The following RABGAP1L variants were observed in gnomAD, a reference collection of about 807,000 sequenced individuals.
The protein encoded by RABGAP1L is RAB GTPase activating protein 1 like.
A neutral mutation model predicts 137.7 loss-of-function variants in RABGAP1L; 63 were observed. The ratio of observed to expected loss-of-function variants is 0.46; its 90% confidence interval spans 0.37 to 0.56. The LOEUF is 0.56. Among genes scored for constraint, RABGAP1L ranks in the 20% least tolerant of loss-of-function variants. The probability of loss-of-function intolerance (pLI) is 0.00; values close to 1 mark genes in which losing one functional copy is unlikely to be tolerated. For synonymous variants in RABGAP1L, 431 were observed against 433.7 expected (o/e 0.99, Z 0.08); for missense variants, 1,095 against 1,244.0 (o/e 0.88, Z 1.80).
chr1:174,582,181 G>T (rs183038609), intron 13 of RABGAP1L, among the ~76,000 whole-genome samples: 2 of 152,138 alleles, frequency 1.3e-5, no homozygotes, highest in Admixed American at 6.6e-5. Flanking sequence ...ATACCAGTCT[G>T]GGCAACATGG....
chr1:174,241,863 G>C (rs1671855309), intron 5 of RABGAP1L, among the ~76,000 whole-genome samples: 1 of 152,214 alleles, frequency 6.6e-6, no homozygotes, highest in Non-Finnish European at 1.5e-5. Flanking sequence ...CAGCTTAGCA[G>C]TTGTCGTAGA....
chr1:174,495,970 C>T (rs1237575541), intron 13 of RABGAP1L, among the ~76,000 whole-genome samples: 2 of 152,198 alleles, frequency 1.3e-5, no homozygotes, highest in Non-Finnish European at 1.5e-5. Context: ...TCTCCTGCCT[C>T]AGCCTGCCAG....
At chr1:174,887,929 C>T (rs192046457) in intron 19 of RABGAP1L, among the ~76,000 whole-genome samples, 5 of 151,896 alleles carry the variant, frequency 3.3e-5, no homozygotes, top group East Asian at 3.9e-4. Context: ...TCCAGCTACT[C>T]GGGAGGCTGA....
rs61707928 is a variant in RABGAP1L at position 174,714,633 on chromosome 1, T to C, written c.2169+12377T>C. Among the ~76,000 whole-genome samples, 586 of 152,318 alleles carry C rather than the reference T, an allele frequency of 3.8e-3. 6 individuals are homozygous for C. Among genetic ancestry groups the C allele is most frequent in the African/African-American group, 0.014 (568 of 41,584 alleles). ...ATTTTAAGAAACAGAAACCTAGACA[T>C]AGTAGCTCCAGTACAGTGGGGGTTT... On this transcript the variant is annotated intron_variant, in intron 17 of 25. Coordinates refer to ENST00000681986, the MANE Select transcript of RABGAP1L (RefSeq NM_001366446.1).
intron 4 of RABGAP1L, among the ~76,000 whole-genome samples, chr1:174,232,358 G>T (rs994662453): frequency 4.0e-5 from 6 of 151,732 alleles, no homozygotes; most frequent in African/African-American, 1.2e-4. Flanking sequence ...GGTGGCACAC[G>T]CCTGTAATCC....
intron 13 of RABGAP1L, among the ~76,000 whole-genome samples, chr1:174,541,341 G>T (rs960547598): frequency 2.0e-5 from 3 of 152,180 alleles, no homozygotes. Flanking sequence ...AATAGGAGTG[G>T]TGAGAGAGGG....
intron 19 of RABGAP1L, among the ~76,000 whole-genome samples, chr1:174,871,568 TGTGA>T (rs1441048191): frequency 6.6e-6 from 1 of 152,174 alleles, no homozygotes; most frequent in Non-Finnish European, 1.5e-5. Context: ...AATGCAGGCA[TGTGA>T]GGTCCCATTG....
intron 13 of RABGAP1L, among the ~76,000 whole-genome samples, chr1:174,597,409 C>A (rs151240588): frequency 6.6e-6 from 1 of 152,006 alleles, no homozygotes; most frequent in African/African-American, 2.4e-5. Flanking sequence ...AGGGTCTATT[C>A]GAGTTTTTAA....
At chr1:174,197,531 C>T (rs1667782011) in intron 1 of RABGAP1L, among the ~76,000 whole-genome samples, 1 of 152,172 alleles carries the variant, frequency 6.6e-6, no homozygotes. Flanking sequence ...ACCCCTCTGT[C>T]ACACTGCTTG....
At chr1:174,942,269 G>A (rs1012182) in intron 19 of RABGAP1L, among the ~76,000 whole-genome samples, 52,831 of 151,998 alleles carry the variant, frequency 0.35, 11,479 homozygotes, top group African/African-American at 0.62. Flanking sequence ...ACTGCTGTTC[G>A]GCCAAATCTG....
chr1:174,531,750 G>C (rs75099572), intron 13 of RABGAP1L, among the ~76,000 whole-genome samples: 5 of 125,412 alleles, frequency 4.0e-5, no homozygotes, highest in Non-Finnish European at 8.6e-5. Context: ...TCTCGGGGGT[G>C]GGGGGGGGGA....
At chr1:174,194,291 A>G (rs934710011) in intron 1 of RABGAP1L, among the ~76,000 whole-genome samples, 2 of 151,262 alleles carry the variant, frequency 1.3e-5, no homozygotes, top group Admixed American at 1.3e-4. Flanking sequence ...CTGGAGGGCA[A>G]TAGCATGATC....
In RABGAP1L at chr1:174,988,846, A is replaced by G; in HGVS notation, c.3003+8A>G. The G allele has an allele frequency of 9.1e-6, 14 of 1,533,824 alleles. No individual in the cohort carries two copies. The highest frequency in any genetic ancestry group is 1.2e-5 in the Non-Finnish European group (14 of 1,139,790). On this transcript the variant is annotated splice_region_variant and intron_variant, in intron 25 of 25. Coordinates refer to ENST00000681986, the MANE Select transcript of RABGAP1L (RefSeq NM_001366446.1). Reference sequence around the variant, plus strand: ...GCCAAGTGTAAAATTCAGGTTGGTGATTTGATAAAAGAACAAGAAGAAAGA... The same window carrying G: ...GCCAAGTGTAAAATTCAGGTTGGTGGTTTGATAAAAGAACAAGAAGAAAGA...
intron 19 of RABGAP1L, among the ~76,000 whole-genome samples, chr1:174,906,888 A>G (rs2149179608): frequency 7.7e-6 from 1 of 130,706 alleles, no homozygotes; most frequent in Non-Finnish European, 1.5e-5. Flanking sequence ...TGACATTTTC[A>G]AAGTGCTCAA....
intron 13 of RABGAP1L, among the ~76,000 whole-genome samples, chr1:174,526,476 C>CT (rs2147867331): frequency 6.6e-6 from 1 of 152,144 alleles, no homozygotes; most frequent in African/African-American, 2.4e-5. Flanking sequence ...CCCGGCTTTT[C>CT]TTTGTTGGGA....
chr1:174,658,912 A>G (rs1407561471), intron 14 of RABGAP1L, among the ~76,000 whole-genome samples: 2 of 152,232 alleles, frequency 1.3e-5, no homozygotes, highest in South Asian at 2.1e-4. Context: ...AAGGTACACA[A>G]AACTGGTAAA....
intron 12 of RABGAP1L, among the ~76,000 whole-genome samples, chr1:174,390,547 G>A (rs1459567632): frequency 7.2e-5 from 11 of 152,100 alleles, no homozygotes; most frequent in Admixed American, 7.2e-4. Context: ...TGGGCCAACC[G>A]AGTATTTAAT....
intron 13 of RABGAP1L, among the ~76,000 whole-genome samples, chr1:174,533,661 GTGTTTT>G (rs576126636): frequency 9.1e-4 from 139 of 151,958 alleles, no homozygotes; most frequent in Non-Finnish European, 1.3e-3. Context: ...TACGAAATAC[GTGTTTT>G]TGTTTTTGTT....
rs1395574691 is a variant in RABGAP1L, at chr1:174,877,022, ACTT to A, written c.2340+65068_2340+65070del. On this transcript the variant is annotated intron_variant, in intron 19 of 25. Transcript: ENST00000681986. Reference sequence around the variant, plus strand: ...AGCGTTAAGAACACTAAGAAAATTTACTTCTTCTCCAAGAACAATCTTCATGTA... The same window carrying A: ...AGCGTTAAGAACACTAAGAAAATTTACTTCTCCAAGAACAATCTTCATGTA... Among the ~76,000 whole-genome samples the A allele has an allele frequency of 5.3e-5, 8 of 152,298 alleles. 1 individual carries two copies. The highest frequency in any genetic ancestry group is 4.1e-4 in the South Asian group (2 of 4,830).
Sources: gnomAD v4.1 joint callset for allele counts (sites outside exome capture counted in the v4.1 genomes callset) on GRCh38, gnomAD v4.1.1 for gene constraint, MANE v1.5 for transcripts, NCBI Gene and HGNC (gene_info 2026-07-23, HGNC 2026-07-21) for gene names.